Variants in ZFYVE9 observed in about 807,000 individuals in gnomAD.
ZFYVE9 encodes the protein zinc finger FYVE-type containing 9.
A neutral mutation model predicts 126.7 loss-of-function variants in ZFYVE9; 43 were observed. The observed-to-expected ratio is 0.34, with a 90% CI of 0.27 to 0.44. ZFYVE9 has a LOEUF of 0.44. Among genes scored for constraint, ZFYVE9 ranks in the 20% least tolerant of loss-of-function variants. The pLI is 1.00. For missense variants in ZFYVE9, 1,476 were observed against 1,697.0 expected (o/e 0.87, Z 2.29); for synonymous variants, 521 against 597.4 (o/e 0.87, Z 1.87).
intron 4 of ZFYVE9, among the ~76,000 whole-genome samples, chr1:52,255,964 T>TTTTCTTTTCTTTTCTTTTCTTTC (rs1553129446): frequency 1.5e-5 from 1 of 68,572 alleles, no homozygotes; most frequent in Non-Finnish European, 2.6e-5. Flanking sequence ...TTTTCTTTTC[T>TTTTCTTTTCTTTTCTTTTCTTTC]TTTCTTTCTT....
At chr1:52,279,902 C>T (rs1174774893) in intron 9 of ZFYVE9, among the ~76,000 whole-genome samples, 2 of 152,182 alleles carry the variant, frequency 1.3e-5, no homozygotes, top group African/African-American at 4.8e-5. Context: ...AAACCAGAAA[C>T]ATATACTACT....
At chr1:52,320,352 T>C (rs989744126) in intron 13 of ZFYVE9, among the ~76,000 whole-genome samples, 6 of 152,102 alleles carry the variant, frequency 3.9e-5, no homozygotes, top group Admixed American at 6.6e-5. Flanking sequence ...TTACAGGCAT[T>C]AGCCACCGTG....
In ZFYVE9 at chr1:52,268,720, T is replaced by C. The variant is rs1645658517; in HGVS notation, c.2625+88T>C. 5.4e-6 allele frequency: 8 copies of C among 1,472,378 alleles called. No individual in the cohort carries two copies. In the Admixed American group the frequency reaches 1.5e-4, roughly 28 times the overall value. The allele number at this position is 1,472,378 out of a possible 1,614,324, so 91.2% of individuals were successfully genotyped here. A position where few individuals can be genotyped will look rare whatever the true frequency, so the allele number is the denominator to read the frequency against. Reference sequence around the variant, plus strand: ...GTTGAATTACTTTTGTGTGGAACTCTGTAGGTTTTGGATACAACTTAGTGT... The same window carrying C: ...GTTGAATTACTTTTGTGTGGAACTCCGTAGGTTTTGGATACAACTTAGTGT... On this transcript the variant is annotated intron_variant, in intron 7 of 18. Coordinates refer to ENST00000287727, the MANE Select transcript of ZFYVE9 (RefSeq NM_004799.4).
intron 15 of ZFYVE9, among the ~76,000 whole-genome samples, 185 bp from the exon 16 acceptor site, chr1:52,337,587 G>A (rs1646400787): frequency 6.6e-6 from 1 of 152,230 alleles, no homozygotes; most frequent in South Asian, 2.1e-4. Flanking sequence ...CAACAAGCAT[G>A]TGTTTTAATC....
At chr1:52,165,651 G>A (rs1372541545) in intron 1 of ZFYVE9, among the ~76,000 whole-genome samples, 2 of 152,176 alleles carry the variant, frequency 1.3e-5, no homozygotes, top group Admixed American at 1.3e-4. Context: ...ACTTTTCTGT[G>A]AGCTCCTATT....
intron 1 of ZFYVE9, among the ~76,000 whole-genome samples, chr1:52,172,909 A>G (rs550090399): frequency 1.3e-4 from 20 of 152,124 alleles, no homozygotes; most frequent in African/African-American, 3.4e-4. Context: ...GGGCTGAGAC[A>G]ATGGGGTTTT....
intron 1 of ZFYVE9, chr1:52,162,778 G>A (rs770900321): frequency 1.2e-5 from 4 of 329,882 alleles, no homozygotes; most frequent in Admixed American, 3.5e-5. Flanking sequence ...GAGCTACTTC[G>A]TCTCCTGTGA....
At position 52,238,354 on chromosome 1, in the gene ZFYVE9, A is replaced by T. The variant is rs1410644676; in HGVS notation, c.937A>T (p.Met313Leu). 1.9e-6 allele frequency: 3 copies of T among 1,613,830 alleles called. No homozygotes were observed. Among genetic ancestry groups the T allele is most frequent in the South Asian group, 2.2e-5 (2 of 91,082 alleles). ...AGGGAGTCCAAATTCCTTTTCCCAC[A>T]TGAGTGAGGGGATTTTGATGAAAAA... ...DLGSPNSFSH[M>L]SEGILMKKEP... is the part of the protein sequence containing the mutation. Residue 313 changes from methionine (M) to leucine (L), a missense_variant, in exon 4 of 19, where the codon ATG becomes TTG. Met to Leu is a conservative substitution (Grantham distance 15). Around this residue, in one of 2 missense-constraint regions of ZFYVE9, gnomAD observed 807 missense variants for 794.6 expected, o/e 1.02. Transcript: ENST00000287727.
intron 1 of ZFYVE9, among the ~76,000 whole-genome samples, chr1:52,177,596 G>A (rs1220039845): frequency 1.3e-5 from 2 of 152,206 alleles, no homozygotes; most frequent in Non-Finnish European, 2.9e-5. Context: ...AGTTGGGAAG[G>A]CAAATATGTA....
intron 14 of ZFYVE9, 46 bp downstream of exon 14, chr1:52,332,964 T>C (rs1300447831): frequency 1.2e-6 from 2 of 1,611,200 alleles, no homozygotes; most frequent in African/African-American, 1.3e-5. Context: ...AAAATTATAC[T>C]GGACTTGGAC....
chr1:52,179,010 C>A (rs1644669117), intron 1 of ZFYVE9, among the ~76,000 whole-genome samples: 2 of 152,204 alleles, frequency 1.3e-5, no homozygotes, highest in Admixed American at 6.5e-5. Flanking sequence ...CCCTTTGTTG[C>A]CCAGGGTGGT....
chr1:52,264,272 A>G (rs1645612146), intron 5 of ZFYVE9, among the ~76,000 whole-genome samples: 2 of 152,228 alleles, frequency 1.3e-5, no homozygotes, highest in South Asian at 4.1e-4. Flanking sequence ...GAACAACTTA[A>G]TAACTTAGCA....
intron 12 of ZFYVE9, among the ~76,000 whole-genome samples, chr1:52,301,958 C>T (rs1382139543): frequency 1.3e-5 from 2 of 152,138 alleles, no homozygotes; most frequent in Non-Finnish European, 2.9e-5. Flanking sequence ...TTAATTCTAT[C>T]AATCTTTTAA....
chr1:52,237,819 G>C lies in ZFYVE9; in HGVS notation c.402G>C (p.Lys134Asn), dbSNP rs35385323. The C allele has an allele frequency of 0.055, 88,914 of 1,613,998 alleles. 2,774 individuals carry two copies. The highest frequency in any genetic ancestry group is 0.11 in the African/African-American group (8,013 of 75,008). The change falls in exon 4 of 19, where the codon AAG (lysine) becomes AAC (asparagine). Residue 134 changes from lysine (K) to asparagine (N), a missense_variant. Lys to Asn is a moderately conservative substitution (Grantham distance 94). This residue lies in a region of ZFYVE9 where 807 missense variants were observed against 794.6 expected (regional missense o/e 1.02). Coordinates refer to ENST00000287727, the MANE Select transcript of ZFYVE9 (RefSeq NM_004799.4). ...GCAGTGCTGTTGAAGTGGGAGAGAA[G>C]AAATGTGGAAACCTGGCTTGTCTGC... ...DQCSAVEVGE[K>N]KCGNLACLPD...
chr1:52,243,210 G>A (rs537264616), intron 4 of ZFYVE9, among the ~76,000 whole-genome samples: 1 of 151,872 alleles, frequency 6.6e-6, no homozygotes, highest in East Asian at 1.9e-4. Context: ...CACCAATGAT[G>A]TTGTGCTCCC....
intron 4 of ZFYVE9, chr1:52,253,734 A>G: frequency 6.2e-7 from 1 of 1,608,054 alleles, no homozygotes; most frequent in Non-Finnish European, 8.5e-7. Flanking sequence ...CTTGCAAACC[A>G]GGATTTGGAG....
At chr1:52,332,512 C>T (rs1357255758) in intron 13 of ZFYVE9, among the ~76,000 whole-genome samples, 1 of 151,944 alleles carries the variant, frequency 6.6e-6, no homozygotes, top group Admixed American at 6.6e-5. Context: ...AGCAATAAGA[C>T]AAAAAGTGAA....
intron 6 of ZFYVE9, among the ~76,000 whole-genome samples, chr1:52,267,291 T>C (rs1203041074): frequency 6.6e-6 from 1 of 152,206 alleles, no homozygotes; most frequent in Non-Finnish European, 1.5e-5. Context: ...TCTGTCCATA[T>C]AAAAATATGA....
intron 1 of ZFYVE9, among the ~76,000 whole-genome samples, chr1:52,189,518 C>T (rs572764979): frequency 1.5e-4 from 22 of 151,442 alleles, no homozygotes; most frequent in East Asian, 5.8e-4. Flanking sequence ...ATTACAGGTG[C>T]GAGCCACTGA....
Sources: allele counts gnomAD v4.1 joint callset (sites outside exome capture counted in the v4.1 genomes callset), GRCh38; gene constraint gnomAD v4.1.1; regional missense constraint gnomAD v4.1.1; transcripts MANE v1.5; gene names NCBI Gene and HGNC (gene_info 2026-07-23, HGNC 2026-07-21).